TRAIP: variants seen among roughly 807,000 people sequenced by gnomAD.
The protein encoded by TRAIP is E3 ubiquitin-protein ligase TRAIP.
A neutral mutation model predicts 65.0 loss-of-function variants in TRAIP; 37 were observed. That is an observed-to-expected ratio of 0.57 (90% CI 0.44 to 0.75). TRAIP has a LOEUF of 0.75. Ranked by LOEUF, TRAIP falls within the 30% of genes least tolerant of loss-of-function variation. The pLI is 0.00. For missense variants in TRAIP, 481 were observed against 579.4 expected (o/e 0.83, Z 1.74); for synonymous variants, 187 against 219.1 (o/e 0.85, Z 1.29).
Position 49,832,698 on chromosome 3 carries a change from CA to C in TRAIP, c.885-631del, listed in dbSNP as rs1204308165. ...AATGAGTGTGTTTTTACTTTTATAA[CA>C]CGGGGGGGGGGGGGGGGTGGGGGGT... On this transcript the variant is annotated intron_variant, in intron 10 of 14. Transcript: ENST00000331456. 3.6e-4 allele frequency among the ~76,000 whole-genome samples: 6 copies of C among 16,566 alleles called. No homozygotes were observed. The Admixed American group carries it at 4.5e-3, about 12-fold the overall frequency. 10.9% of individuals were successfully genotyped at this position (16,566 alleles called of 152,430 possible).
intron 6 of TRAIP, among the ~76,000 whole-genome samples, chr3:49,842,166 G>T (rs2081844960): frequency 6.6e-6 from 1 of 152,220 alleles, no homozygotes. Flanking sequence ...CAAGGTCAGG[G>T]ATTTCCTGGA....
At chr3:49,848,118 G>A (rs755268685) in intron 2 of TRAIP, 25 bp downstream of exon 2, 2 of 1,613,562 alleles carry the variant, frequency 1.2e-6, no homozygotes, top group Non-Finnish European at 1.7e-6. Flanking sequence ...CTTCAGTTGA[G>A]GTGGTCCCAC....
At chr3:49,838,433 G>GGCCC (rs943545971) in intron 10 of TRAIP, among the ~76,000 whole-genome samples, 1 of 152,230 alleles carries the variant, frequency 6.6e-6, no homozygotes, top group Non-Finnish European at 1.5e-5. Flanking sequence ...GTAGTATATA[G>GGCCC]CTGGTTGGCT....
At position 49,828,804 on chromosome 3, in the gene TRAIP, A is replaced by C; in HGVS notation, c.*299T>G. 2.9e-6 allele frequency: 1 copy of C among 343,974 alleles called. No homozygotes were observed. The highest frequency in any genetic ancestry group is 3.0e-5 in the South Asian group (1 of 33,198). The allele number at this position is 343,974 out of a possible 1,614,324, so 21.3% of individuals were successfully genotyped here. A position where few individuals can be genotyped will look rare whatever the true frequency, so the allele number is the denominator to read the frequency against. ...CAGTCAACAAGTGACCGTGGTCTCC[A>C]GGCCCAGAAAGAGTCTGACCACATC... On this transcript the variant is annotated 3_prime_UTR_variant, in exon 15 of 15. Coordinates refer to ENST00000331456, the MANE Select transcript of TRAIP (RefSeq NM_005879.3).
chr3:49,843,657 A>T (rs1575395756), intron 5 of TRAIP, 144 bp downstream of exon 5: 1 of 1,095,278 alleles, frequency 9.1e-7, no homozygotes, highest in Admixed American at 2.1e-5. Flanking sequence ...GGGCAAGGGG[A>T]AGAAGTGATT....
chr3:49,843,808 G>A lies in TRAIP; in HGVS notation c.401C>T (p.Thr134Ile). 1 of 1,613,338 alleles carries A rather than the reference G, an allele frequency of 6.2e-7. No homozygotes were observed. The highest frequency in any genetic ancestry group is 8.5e-7 in the Non-Finnish European group (1 of 1,179,268). The part of the protein sequence containing the change: ...ALGKAEMLCS[T>I]LKKQMKYLEQ... ...TAAAACCTGAGGACCTACTTTCAGT[G>A]TGGAGCACAGCATCTCGGCCTTGCC... Residue 134 changes from threonine (T) to isoleucine (I), a missense_variant, in exon 5 of 15, where the codon ACA becomes ATA. Physicochemically the swap from Thr to Ile is moderately conservative, Grantham distance 89. Transcript: ENST00000331456.
intron 1 of TRAIP, among the ~76,000 whole-genome samples, chr3:49,855,229 C>T (rs928255704): frequency 6.6e-6 from 1 of 152,078 alleles, no homozygotes; most frequent in African/African-American, 2.4e-5. Context: ...GTGGGTGGAT[C>T]ACCTGAAGTC....
chr3:49,840,226 G>T, intron 9 of TRAIP, 58 bp downstream of exon 9: 2 of 1,479,464 alleles, frequency 1.4e-6, no homozygotes, highest in Non-Finnish European at 1.9e-6. Flanking sequence ...GCCCAGCCCT[G>T]CTCTGGGAGG....
At chr3:49,833,069 C>T (rs574169250) in intron 10 of TRAIP, among the ~76,000 whole-genome samples, 1 of 152,296 alleles carries the variant, frequency 6.6e-6, no homozygotes, top group Non-Finnish European at 1.5e-5. Flanking sequence ...ACTGCACAAA[C>T]CCACCTCAAA....
intron 8 of TRAIP, chr3:49,840,639 A>G: frequency 1.8e-6 from 1 of 560,486 alleles, no homozygotes; most frequent in Non-Finnish European, 3.2e-6. Context: ...AGGTTCCAGG[A>G]GCCCTTCTAC....
intron 5 of TRAIP, 143 bp from the exon 6 acceptor site, chr3:49,842,690 G>T (rs2081849439): frequency 2.8e-6 from 2 of 719,824 alleles, no homozygotes; most frequent in Middle Eastern, 3.1e-4. Context: ...ACCCCAGGAG[G>T]TAAAGCTCCT....
Position 49,829,603 on chromosome 3 carries a change from G to A in TRAIP, c.1236+14C>T. On this transcript the variant is annotated intron_variant, in intron 13 of 14. Coordinates refer to ENST00000331456, the MANE Select transcript of TRAIP (RefSeq NM_005879.3). ...AGAGGGCTGGCTCCTGCCACTGTGG[G>A]AAGCCACACTCACCACATCTTTGCT... 1.9e-6 allele frequency: 3 copies of A among 1,614,200 alleles called. No individual in the cohort carries two copies. The highest frequency in any genetic ancestry group is 2.7e-5 in the African/African-American group (2 of 75,062).
intron 4 of TRAIP, among the ~76,000 whole-genome samples, chr3:49,844,243 C>T (rs2081864389): frequency 6.6e-6 from 1 of 152,182 alleles, no homozygotes; most frequent in South Asian, 2.1e-4. Flanking sequence ...CCAAACTCAG[C>T]AGCTGAGCCC....
chr3:49,847,228 A>C (rs1301900909), intron 3 of TRAIP, among the ~76,000 whole-genome samples: 1 of 149,596 alleles, frequency 6.7e-6, no homozygotes, highest in African/African-American at 2.5e-5. Context: ...AATAAAATAA[A>C]AAAATTAACC....
chr3:49,855,321 G>A (rs2081961702), intron 1 of TRAIP, among the ~76,000 whole-genome samples: 1 of 152,008 alleles, frequency 6.6e-6, no homozygotes, highest in South Asian at 2.1e-4. Context: ...GGTGGCGCAC[G>A]CCTGTAATGT....
At chr3:49,847,363 C>G (rs550835687) in intron 3 of TRAIP, among the ~76,000 whole-genome samples, 162 bp downstream of exon 3, 1 of 145,388 alleles carries the variant, frequency 6.9e-6, no homozygotes, top group Non-Finnish European at 1.5e-5. Context: ...GTGTGGGCAA[C>G]AAAGTAAGAC....
intron 1 of TRAIP, among the ~76,000 whole-genome samples, chr3:49,850,650 ATTTT>A (rs869237477): frequency 3.3e-5 from 3 of 90,684 alleles, no homozygotes; most frequent in South Asian, 4.0e-4. Flanking sequence ...AATAGTCTGC[ATTTT>A]TTTTTTTTTT....
intron 10 of TRAIP, among the ~76,000 whole-genome samples, chr3:49,839,488 G>A (rs2081818607): frequency 6.6e-6 from 1 of 152,224 alleles, no homozygotes; most frequent in African/African-American, 2.4e-5. Context: ...ACAGATAAAT[G>A]TGGGGAGCTA....
chr3:49,830,012 G>C lies in TRAIP; in HGVS notation c.1086+8C>G, dbSNP rs374301425. On this transcript the variant is annotated splice_region_variant and intron_variant, in intron 12 of 14. Transcript: ENST00000331456. ...GGTTAGACTGTGCTTCTTCTAGAAA[G>C]CTCTTACCTTCCTGGGGCCTTTGCA... 1 of 1,614,160 alleles carries C rather than the reference G, an allele frequency of 6.2e-7. No homozygotes were observed. Among genetic ancestry groups the C allele is most frequent in the Non-Finnish European group, 8.5e-7 (1 of 1,179,998 alleles).
Sources: allele counts gnomAD v4.1 joint callset (sites outside exome capture counted in the v4.1 genomes callset), GRCh38; gene constraint gnomAD v4.1.1; transcripts MANE v1.5; gene names NCBI Gene and HGNC (gene_info 2026-07-23, HGNC 2026-07-21).